The following DHX15 variants were observed in gnomAD, a reference collection of about 807,000 sequenced individuals.
DHX15 encodes the protein ATP-dependent RNA helicase DHX15.
DHX15 carries 11 observed loss-of-function variants against 94.4 expected under a neutral mutation model. The observed-to-expected ratio is 0.12, with a 90% CI of 0.07 to 0.19. The LOEUF (loss-of-function observed/expected upper bound fraction) is 0.19, where lower values mean the gene tolerates loss of function less well. DHX15 is among the 10% of genes least tolerant of loss of function. DHX15 has a pLI of 1.00. For synonymous variants in DHX15, 338 were observed against 329.9 expected, an observed-to-expected ratio of 1.02 and a Z score of -0.27; for missense variants, 304 against 988.5, an observed-to-expected ratio of 0.31 and a Z score of 9.29.
At chr4:24,533,469 C>G (rs185033909) in intron 11 of DHX15, 195 of 201,316 alleles carry the variant, frequency 9.7e-4, no homozygotes, top group Non-Finnish European at 1.7e-3. Flanking sequence ...GTGTATTGTT[C>G]TTTATGCCTG....
chr4:24,540,439 T>G (rs993448558), intron 9 of DHX15, 140 bp from the exon 10 acceptor site: 1 of 694,258 alleles, frequency 1.4e-6, no homozygotes, highest in Non-Finnish European at 2.3e-6. Flanking sequence ...AATTCAATTA[T>G]ACAGATCTAG....
chr4:24,572,134 T>C (rs943014442), intron 2 of DHX15, among the ~76,000 whole-genome samples: 4 of 152,156 alleles, frequency 2.6e-5, no homozygotes, highest in African/African-American at 9.7e-5. Flanking sequence ...AATGTTCAGA[T>C]CTTTTGTTTT....
chr4:24,536,177 A>C (rs561636414), intron 11 of DHX15, among the ~76,000 whole-genome samples: 63 of 152,296 alleles, frequency 4.1e-4, no homozygotes, highest in Non-Finnish European at 7.1e-4. Context: ...AATGTTTTTC[A>C]GGTCACTAAA....
chr4:24,561,824 G>A (rs1721878068), intron 3 of DHX15, among the ~76,000 whole-genome samples: 1 of 152,052 alleles, frequency 6.6e-6, no homozygotes, highest in Non-Finnish European at 1.5e-5. Context: ...CTACCTGTCA[G>A]GTAACTATGC....
At chr4:24,567,279 T>C (rs1397418137) in intron 3 of DHX15, among the ~76,000 whole-genome samples, 4 of 152,174 alleles carry the variant, frequency 2.6e-5, no homozygotes, top group Middle Eastern at 3.2e-3. Flanking sequence ...TTTCCTGAAT[T>C]AAAATATGTT....
rs1722262515 is a variant in DHX15, at chr4:24,576,131, CTTCAAGA to C, written c.507+105_507+111del. 17 of 814,520 alleles carry C rather than the reference CTTCAAGA, an allele frequency of 2.1e-5. No homozygotes were observed. The South Asian group carries it at 3.1e-4, about 15-fold the overall frequency. The allele number at this position is 814,520 out of a possible 1,614,324, so 50.5% of individuals were successfully genotyped here. A position where few individuals can be genotyped will look rare whatever the true frequency, so the allele number is the denominator to read the frequency against. On this transcript the variant is annotated intron_variant, in intron 2 of 13. Coordinates refer to ENST00000336812, the MANE Select transcript of DHX15 (RefSeq NM_001358.3). ...CCAATTAAACATCAAATCAGCTATT[CTTCAAGA>C]TGTTCTATAGGACAGACAAGGGAAA...
rs1577351868 is a variant in DHX15 at position 24,576,752 on chromosome 4, A to T, written c.72-74T>A. ...TCACGGTAGCGTTATAATCACAAAG[A>T]GAGTAAATGTCCAACGTTCAAATGA... is the stretch of plus-strand genomic sequence containing the variant. On this transcript the variant is annotated intron_variant, in intron 1 of 13. Transcript: ENST00000336812. 7 of 1,544,280 alleles carry T rather than the reference A, an allele frequency of 4.5e-6. No individual in the cohort carries two copies. The East Asian group carries it at 1.6e-4, about 35-fold the overall frequency.
chr4:24,569,402 C>T (rs1421429181), intron 3 of DHX15, among the ~76,000 whole-genome samples: 1 of 151,846 alleles, frequency 6.6e-6, no homozygotes, highest in South Asian at 2.1e-4. Flanking sequence ...ACCAGCCTGG[C>T]CAACATAGTG....
intron 1 of DHX15, among the ~76,000 whole-genome samples, chr4:24,580,218 AGC>A (rs1302682524): frequency 1.3e-5 from 2 of 152,166 alleles, no homozygotes; most frequent in Non-Finnish European, 2.9e-5. Flanking sequence ...GACCAGCCTG[AGC>A]AATACAGTGA....
At position 24,584,325 on chromosome 4, in the gene DHX15, A is replaced by T. The variant is rs751230183; in HGVS notation, c.69T>A (p.Asp23Glu). 3 of 1,611,984 alleles carry T rather than the reference A, an allele frequency of 1.9e-6. No individual in the cohort carries two copies. Among genetic ancestry groups the T allele is most frequent in the South Asian group, 1.1e-5 (1 of 90,708 alleles). Residue 23 changes from aspartate (D) to glutamate (E), a missense_variant and splice_region_variant, in exon 1 of 14, where the codon GAT (aspartate) becomes GAA (glutamate). Physicochemically the swap from Asp to Glu is conservative, Grantham distance 45. Transcript: ENST00000336812. ...YPSGKKRAGT[D>E]GKDRDRDRDR... ...CTCGCGCCCCCGGCCTGGCTTACCCATCGGTCCCCGCACGCTTCTTGCCAG... is the reference window on the plus strand; with the variant it reads ...CTCGCGCCCCCGGCCTGGCTTACCCTTCGGTCCCCGCACGCTTCTTGCCAG...
chr4:24,576,523 G>A lies in DHX15; in HGVS notation c.227C>T (p.Pro76Leu), dbSNP rs770834299. ...NAMLISAGLP[P>L]LKASHSAHST... ...GTGAGCTGAATGGGAAGCTTTCAAAGGTGGTAATCCAGCACTGATAAGCAT... is the reference window on the plus strand; with the variant it reads ...GTGAGCTGAATGGGAAGCTTTCAAAAGTGGTAATCCAGCACTGATAAGCAT... Residue 76 changes from proline (P) to leucine (L), a missense_variant, in exon 2 of 14, where the codon CCT (proline) becomes CTT (leucine). Pro to Leu is a moderately conservative substitution (Grantham distance 98). Transcript: ENST00000336812. The A allele has an allele frequency of 1.9e-6, 3 of 1,614,190 alleles. No homozygotes were observed. The highest frequency in any genetic ancestry group is 2.2e-5 in the South Asian group (2 of 91,084).
At chr4:24,564,091 G>A (rs1054208059) in intron 3 of DHX15, among the ~76,000 whole-genome samples, 3 of 149,956 alleles carry the variant, frequency 2.0e-5, no homozygotes, top group African/African-American at 2.5e-5. Context: ...AAAAAAGCAT[G>A]AGGCAAACAT....
intron 1 of DHX15, among the ~76,000 whole-genome samples, chr4:24,583,914 G>GCTGC: frequency 6.6e-6 from 1 of 152,258 alleles, no homozygotes; most frequent in Non-Finnish European, 1.5e-5. Flanking sequence ...GGAAGTGCCT[G>GCTGC]CTGCCCTTGG....
chr4:24,531,330 C>T (rs1382039654), intron 12 of DHX15, among the ~76,000 whole-genome samples: 2 of 152,060 alleles, frequency 1.3e-5, no homozygotes, highest in African/African-American at 4.8e-5. Context: ...CCTCGTGATC[C>T]ACCCGCCTCG....
intron 3 of DHX15, among the ~76,000 whole-genome samples, chr4:24,559,344 TG>T (rs1721811533): frequency 7.2e-6 from 1 of 138,648 alleles, no homozygotes; most frequent in Non-Finnish European, 1.5e-5. Flanking sequence ...TTCAGAATTG[TG>T]AGAGAATGAA....
intron 12 of DHX15, among the ~76,000 whole-genome samples, chr4:24,531,654 A>G (rs1039811009): frequency 6.6e-6 from 1 of 152,006 alleles, no homozygotes; most frequent in Non-Finnish European, 1.5e-5. Flanking sequence ...GGGAGGTAAA[A>G]GCTGCAGTGA....
chr4:24,538,637 T>C (rs1047145356), intron 10 of DHX15: 1 of 152,162 alleles, frequency 6.6e-6, no homozygotes, highest in Non-Finnish European at 1.5e-5. Context: ...ACACTTTTCC[T>C]ATAAATGGAC....
chr4:24,547,634 T>C (rs1157730658), intron 6 of DHX15, among the ~76,000 whole-genome samples: 2 of 151,222 alleles, frequency 1.3e-5, no homozygotes, highest in African/African-American at 2.4e-5. Context: ...AAAGTACACA[T>C]GATTTCAAGA....
chr4:24,557,246 T>G (rs781210637), intron 3 of DHX15, among the ~76,000 whole-genome samples: 2 of 152,180 alleles, frequency 1.3e-5, no homozygotes, highest in African/African-American at 4.8e-5. Context: ...GATGTCACTA[T>G]GAAAAACAAC....
Sources: allele counts gnomAD v4.1 joint callset (sites outside exome capture counted in the v4.1 genomes callset), GRCh38; gene constraint gnomAD v4.1.1; transcripts MANE v1.5; gene names NCBI Gene and HGNC (gene_info 2026-07-23, HGNC 2026-07-21).